Variants in CNTNAP2 observed in about 807,000 individuals in gnomAD.
CNTNAP2 encodes contactin associated protein 2, also known as contactin-associated protein-like 2.
Under a neutral mutation model 155.2 loss-of-function variants are expected in CNTNAP2, and 98 were observed. The ratio of observed to expected loss-of-function variants is 0.63; its 90% confidence interval spans 0.54 to 0.75. The LOEUF is 0.75. Among genes scored for constraint, CNTNAP2 ranks in the 30% least tolerant of loss-of-function variants. The pLI is 0.00. For missense variants in CNTNAP2, 1,727 were observed against 1,688.1 expected (o/e 1.02, Z -0.40); for synonymous variants, 651 against 631.2 (o/e 1.03, Z -0.47).
intron 21 of CNTNAP2, among the ~76,000 whole-genome samples, chr7:148,314,223 G>A (rs1228738951): frequency 6.6e-6 from 1 of 152,136 alleles, no homozygotes; most frequent in African/African-American, 2.4e-5. Context: ...GGGAAAGAAG[G>A]AAGATTTGGG....
At chr7:147,149,616 T>C (rs1425360693) in intron 8 of CNTNAP2, among the ~76,000 whole-genome samples, 1 of 152,174 alleles carries the variant, frequency 6.6e-6, no homozygotes, top group Non-Finnish European at 1.5e-5. Context: ...TTTTAAAAGA[T>C]AGCTCTATCT....
chr7:148,110,173 C>T (rs1412009315), intron 15 of CNTNAP2, among the ~76,000 whole-genome samples: 1 of 152,150 alleles, frequency 6.6e-6, no homozygotes, highest in African/African-American at 2.4e-5. Context: ...TAATATTTAA[C>T]TTAACCATTC....
intron 1 of CNTNAP2, among the ~76,000 whole-genome samples, chr7:146,175,268 AT>A (rs1388201387): frequency 6.6e-6 from 1 of 152,206 alleles, no homozygotes; most frequent in African/African-American, 2.4e-5. Flanking sequence ...TAAAAAATAA[AT>A]TTGAAAAATG....
At chr7:146,782,780 T>A (rs1356110374) in intron 2 of CNTNAP2, among the ~76,000 whole-genome samples, 1 of 152,166 alleles carries the variant, frequency 6.6e-6, no homozygotes, top group Non-Finnish European at 1.5e-5. Context: ...ACACAAACTA[T>A]GTTGCATTGA....
Position 146,185,793 on chromosome 7 carries a change from G to A in CNTNAP2, c.97+68820G>A, listed in dbSNP as rs147620545. ...TTTTTTTTTTTGTAGAACACACCGA[G>A]CTTCTTTCTGTGGGCTAAAGTAGGC... On this transcript the variant is annotated intron_variant, in intron 1 of 23. Coordinates refer to ENST00000361727, the MANE Select transcript of CNTNAP2 (RefSeq NM_014141.6). 5.3e-3 allele frequency among the ~76,000 whole-genome samples: 752 copies of A among 143,054 alleles called. 6 individuals are homozygous for A. Among genetic ancestry groups the A allele is most frequent in the African/African-American group, 0.019 (710 of 37,786 alleles). 93.8% of individuals were successfully genotyped at this position (143,054 alleles called of 152,430 possible).
chr7:148,360,747 A>G (rs1377927330), intron 21 of CNTNAP2, among the ~76,000 whole-genome samples: 1 of 151,968 alleles, frequency 6.6e-6, no homozygotes, highest in East Asian at 1.9e-4. Flanking sequence ...TAAAATATTT[A>G]TGGACTAAAT....
intron 1 of CNTNAP2, among the ~76,000 whole-genome samples, chr7:146,624,472 C>CT (rs35364992): frequency 0.48 from 72,502 of 151,730 alleles, 18,183 homozygotes; most frequent in Non-Finnish European, 0.56. Flanking sequence ...AGCATTATTA[C>CT]TTTTTTTATC....
intron 3 of CNTNAP2, among the ~76,000 whole-genome samples, chr7:146,974,454 A>G (rs1405696411): frequency 6.6e-6 from 1 of 151,406 alleles, no homozygotes; most frequent in Non-Finnish European, 1.5e-5. Flanking sequence ...AAAATAAAAA[A>G]TAAAAAAATA....
chr7:146,550,917 G>A (rs2533525), intron 1 of CNTNAP2, among the ~76,000 whole-genome samples: 2 of 152,016 alleles, frequency 1.3e-5, no homozygotes, highest in African/African-American at 4.8e-5. Flanking sequence ...ATACACTAAG[G>A]CCCAGACAGG....
intron 13 of CNTNAP2, among the ~76,000 whole-genome samples, chr7:147,693,335 C>A (rs1287952324): frequency 1.3e-5 from 2 of 151,884 alleles, no homozygotes; most frequent in African/African-American, 2.4e-5. Flanking sequence ...GTATGTTGCC[C>A]CTTTACATAA....
intron 13 of CNTNAP2, among the ~76,000 whole-genome samples, chr7:147,745,670 G>T (rs148720310): frequency 1.3e-5 from 2 of 152,134 alleles, no homozygotes; most frequent in African/African-American, 4.8e-5. Flanking sequence ...TGACTATAAT[G>T]AAGTCAGCAT....
chr7:147,358,956 G>A (rs189969242), intron 9 of CNTNAP2, among the ~76,000 whole-genome samples: 6 of 152,244 alleles, frequency 3.9e-5, no homozygotes, highest in African/African-American at 4.8e-5. Context: ...GGGCACCATA[G>A]TGTTTTCTAA....
intron 1 of CNTNAP2, among the ~76,000 whole-genome samples, chr7:146,191,110 G>A (rs1798696433): frequency 1.5e-5 from 2 of 136,438 alleles, no homozygotes; most frequent in African/African-American, 6.1e-5. Flanking sequence ...GTTCTTTTCA[G>A]ATATCGGGGG....
At chr7:148,247,621 CTCTCTA>C (rs1421109402) in intron 20 of CNTNAP2, among the ~76,000 whole-genome samples, 212 of 132,872 alleles carry the variant, frequency 1.6e-3, no homozygotes, top group African/African-American at 6.2e-3. Flanking sequence ...CTCTCTCTCT[CTCTCTA>C]TTTATTTATT....
intron 17 of CNTNAP2, among the ~76,000 whole-genome samples, chr7:148,164,456 G>A (rs1366180322): frequency 6.6e-6 from 1 of 152,258 alleles, no homozygotes; most frequent in East Asian, 1.9e-4. Flanking sequence ...ACACAGAGGA[G>A]TCCTAGCTCT....
At position 146,587,998 on chromosome 7, in the gene CNTNAP2, GTGTGTGTA is replaced by G. The variant is rs943934261; in HGVS notation, c.98-186265_98-186258del. On this transcript the variant is annotated intron_variant, in intron 1 of 23. Coordinates refer to ENST00000361727, the MANE Select transcript of CNTNAP2 (RefSeq NM_014141.6). ...CTGATGATTAATTTTCAAACAAACC[GTGTGTGTA>G]TGTGTGTGTGTGTGTGTGTGTGTGT... is the stretch of plus-strand genomic sequence containing the variant. 1.1e-4 allele frequency among the ~76,000 whole-genome samples: 6 copies of G among 55,436 alleles called. No homozygotes were observed. In the East Asian group the frequency reaches 2.1e-3, roughly 20 times the overall value. 36.4% of individuals were successfully genotyped at this position (55,436 alleles called of 152,430 possible).
intron 13 of CNTNAP2, among the ~76,000 whole-genome samples, chr7:147,666,763 T>G (rs78236795): frequency 3.9e-5 from 6 of 152,184 alleles, no homozygotes; most frequent in African/African-American, 1.2e-4. Context: ...TGTCCTGTGA[T>G]TGACCTGAAA....
intron 21 of CNTNAP2, among the ~76,000 whole-genome samples, chr7:148,371,304 G>T (rs770223524): frequency 7.3e-5 from 11 of 151,062 alleles, no homozygotes; most frequent in Non-Finnish European, 1.3e-4. Context: ...ATACAATTTG[G>T]TATTGAAGGT....
chr7:147,260,287 G>T (rs1804429611), intron 8 of CNTNAP2, among the ~76,000 whole-genome samples: 1 of 152,156 alleles, frequency 6.6e-6, no homozygotes, highest in Admixed American at 6.6e-5. Context: ...GCATGGTTCA[G>T]GTGGGGCTTT....
Sources: gnomAD v4.1 joint callset for allele counts (sites outside exome capture counted in the v4.1 genomes callset) on GRCh38, gnomAD v4.1.1 for gene constraint, MANE v1.5 for transcripts, NCBI Gene and HGNC (gene_info 2026-07-23, HGNC 2026-07-21) for gene names.